KPNA6: variants seen among roughly 807,000 people sequenced by gnomAD.
KPNA6 encodes karyopherin subunit alpha 6, also known as importin subunit alpha-7.
A neutral mutation model predicts 72.0 loss-of-function variants in KPNA6; 9 were observed. The ratio of observed to expected loss-of-function variants is 0.13; its 90% CI spans 0.08 to 0.22. KPNA6 has a LOEUF of 0.22. Among genes scored for constraint, KPNA6 ranks in the 10% least tolerant of loss-of-function variants. The pLI is 1.00. For missense variants in KPNA6, 374 were observed against 655.7 expected, an observed-to-expected ratio of 0.57 and a Z score of 4.69; for synonymous variants, 219 against 242.1, an observed-to-expected ratio of 0.90 and a Z score of 0.89.
At chr1:32,150,320 A>G (rs529752441) in intron 1 of KPNA6, among the ~76,000 whole-genome samples, 7 of 151,720 alleles carry the variant, frequency 4.6e-5, no homozygotes, top group African/African-American at 1.7e-4. Context: ...TTTAGTAGAG[A>G]CAGGCTTTCA....
chr1:32,127,481 T>G (rs2124531878), intron 1 of KPNA6, among the ~76,000 whole-genome samples: 1 of 152,362 alleles, frequency 6.6e-6, no homozygotes. Flanking sequence ...AATCCCTGTT[T>G]CCAATTTGTC....
chr1:32,139,113 G>A (rs565628219), intron 1 of KPNA6, among the ~76,000 whole-genome samples: 17 of 152,134 alleles, frequency 1.1e-4, no homozygotes, highest in Non-Finnish European at 1.8e-4. Context: ...CTGGAACAAC[G>A]TATATGCTCG....
At chr1:32,158,972 G>A (rs140699525) in intron 5 of KPNA6, among the ~76,000 whole-genome samples, 49 of 152,276 alleles carry the variant, frequency 3.2e-4, no homozygotes, top group African/African-American at 1.2e-3. Flanking sequence ...TCAGAGATGG[G>A]TGATGGGTCA....
intron 1 of KPNA6, among the ~76,000 whole-genome samples, chr1:32,117,854 C>T (rs992898807): frequency 6.6e-6 from 1 of 151,892 alleles, no homozygotes; most frequent in Non-Finnish European, 1.5e-5. Context: ...TGTACATAAG[C>T]ATTCCTGAAG....
chr1:32,118,992 GTATACATA>G (rs1384195453), intron 1 of KPNA6, among the ~76,000 whole-genome samples: 112 of 82,988 alleles, frequency 1.3e-3, no homozygotes, highest in South Asian at 2.7e-3. Context: ...GTGTGTGTGT[GTATACATA>G]TATATATATA....
At chr1:32,140,404 A>G in intron 1 of KPNA6, among the ~76,000 whole-genome samples, 1 of 152,154 alleles carries the variant, frequency 6.6e-6, no homozygotes, top group East Asian at 1.9e-4. Context: ...AAAAAGAAGA[A>G]GGTCCTTATT....
At chr1:32,132,565 G>A (rs1453804496) in intron 1 of KPNA6, among the ~76,000 whole-genome samples, 4 of 151,912 alleles carry the variant, frequency 2.6e-5, no homozygotes, top group Non-Finnish European at 5.9e-5. Flanking sequence ...GGGAACACAG[G>A]CGTGAGCCAC....
intron 1 of KPNA6, among the ~76,000 whole-genome samples, chr1:32,144,132 G>T (rs1171221660): frequency 6.6e-6 from 1 of 152,068 alleles, no homozygotes; most frequent in Non-Finnish European, 1.5e-5. Flanking sequence ...TAATAAAATA[G>T]AACACATAAC....
intron 1 of KPNA6, among the ~76,000 whole-genome samples, chr1:32,137,137 T>C (rs1242732508): frequency 6.6e-6 from 1 of 152,118 alleles, no homozygotes; most frequent in Non-Finnish European, 1.5e-5. Flanking sequence ...AATAATTAAG[T>C]GGTTCTTTGG....
At chr1:32,155,065 G>A (rs1054841530) in intron 2 of KPNA6, among the ~76,000 whole-genome samples, 34 of 141,390 alleles carry the variant, frequency 2.4e-4, no homozygotes, top group African/African-American at 7.9e-4. Context: ...AGCTGAGTTC[G>A]TGCCATTGCA....
chr1:32,119,032 A>ATATTTTTTTTTTTTTT (rs1167325052), intron 1 of KPNA6, among the ~76,000 whole-genome samples: 6 of 40,280 alleles, frequency 1.5e-4, no homozygotes, highest in African/African-American at 3.0e-4. Context: ...ATATATATAT[A>ATATTTTTTTTTTTTTT]TTTTTTTTTT....
At chr1:32,122,048 C>T (rs1167163013) in intron 1 of KPNA6, among the ~76,000 whole-genome samples, 3 of 136,566 alleles carry the variant, frequency 2.2e-5, no homozygotes, top group Non-Finnish European at 4.8e-5. Context: ...CCGAGGCAGG[C>T]GGATCACCTG....
intron 1 of KPNA6, among the ~76,000 whole-genome samples, chr1:32,144,995 C>T (rs1641905517): frequency 6.7e-6 from 1 of 149,694 alleles, no homozygotes; most frequent in African/African-American, 2.5e-5. Flanking sequence ...CACTGTCGCC[C>T]AGGCTGAAGT....
At chr1:32,150,893 G>A (rs899033189) in intron 1 of KPNA6, among the ~76,000 whole-genome samples, 1 of 152,096 alleles carries the variant, frequency 6.6e-6, no homozygotes, top group African/African-American at 2.4e-5. Context: ...CCAAAGTGCT[G>A]GGATTACAGC....
chr1:32,164,297 A>G (rs1642292376), intron 10 of KPNA6, among the ~76,000 whole-genome samples: 1 of 152,212 alleles, frequency 6.6e-6, no homozygotes, highest in Non-Finnish European at 1.5e-5. Flanking sequence ...TTATCCATCA[A>G]TAGACATTTG....
At position 32,136,337 on chromosome 1, in the gene KPNA6, A is replaced by AT. The variant is rs576228609; in HGVS notation, c.5-18243dup. ...AAGTGCCTGCCACCACACATGGCTA[A>AT]TTTTTTTTGTATTTTTAGTAGAGAC... On this transcript the variant is annotated intron_variant, in intron 1 of 13. Coordinates refer to ENST00000373625, the MANE Select transcript of KPNA6 (RefSeq NM_012316.5). Among the ~76,000 whole-genome samples, 9 of 151,766 alleles carry AT rather than the reference A, an allele frequency of 5.9e-5. No homozygotes were observed. The East Asian group carries it at 7.7e-4, about 13-fold the overall frequency.
chr1:32,157,470 G>A, intron 4 of KPNA6, 25 bp downstream of exon 4: 1 of 1,534,012 alleles, frequency 6.5e-7, no homozygotes, highest in Non-Finnish European at 9.0e-7. Flanking sequence ...CCTTGTCAGA[G>A]AGGCCTTATA....
chr1:32,165,747 C>T (rs1176583389), intron 10 of KPNA6, among the ~76,000 whole-genome samples: 1 of 151,842 alleles, frequency 6.6e-6, no homozygotes, highest in Non-Finnish European at 1.5e-5. Flanking sequence ...CCTGTAATCC[C>T]AACACTTTGG....
chr1:32,135,907 A>G (rs1259635493), intron 1 of KPNA6, among the ~76,000 whole-genome samples: 1 of 152,086 alleles, frequency 6.6e-6, no homozygotes, highest in Non-Finnish European at 1.5e-5. Context: ...TAGGAATTAC[A>G]TCTCAATAAA....
Sources: gnomAD v4.1 joint callset for allele counts (sites outside exome capture counted in the v4.1 genomes callset) on GRCh38, gnomAD v4.1.1 for gene constraint, MANE v1.5 for transcripts, NCBI Gene and HGNC (gene_info 2026-07-23, HGNC 2026-07-21) for gene names.